The following ELAVL1 variants were observed in gnomAD, a reference collection of about 807,000 sequenced individuals.
ELAVL1 encodes ELAV like RNA binding protein 1.
Under a neutral mutation model 28.4 loss-of-function variants are expected in ELAVL1, and 1 was observed. The observed-to-expected ratio is 0.04, with a 90% CI of 0.01 to 0.17. The LOEUF (loss-of-function observed/expected upper bound fraction) is 0.17, where lower values mean the gene tolerates loss of function less well. Ranked by LOEUF, ELAVL1 falls within the 10% of genes least tolerant of loss-of-function variation. The pLI is 1.00. For missense variants in ELAVL1, 157 were observed against 447.2 expected (o/e 0.35, Z 5.85); for synonymous variants, 174 against 183.5 (o/e 0.95, Z 0.42).
intron 3 of ELAVL1, among the ~76,000 whole-genome samples, chr19:7,974,588 C>G (rs1462964866): frequency 6.6e-6 from 1 of 151,992 alleles, no homozygotes; most frequent in African/African-American, 2.4e-5. Context: ...CCCATGGGCC[C>G]AGAAGGAAGA....
Position 7,995,114 on chromosome 19 carries a change from G to A in ELAVL1, c.-16-3283C>T, listed in dbSNP as rs1049217226. On this transcript the variant is annotated intron_variant, in intron 1 of 5. Transcript: ENST00000407627. ...AGACTTTAATCATGAGAAACTCCAC[G>A]TGTCTGTTACACCATCTGTGGCCAC... Among the ~76,000 whole-genome samples, 16 of 152,238 alleles carry A rather than the reference G, an allele frequency of 1.1e-4. 1 individual carries two copies. Among genetic ancestry groups the A allele is most frequent in the Admixed American group, 8.5e-4 (13 of 15,280 alleles).
At position 7,960,915 on chromosome 19, in the gene ELAVL1, G is replaced by C. The variant is rs1467813427; in HGVS notation, c.*2568C>G. On this transcript the variant is annotated 3_prime_UTR_variant, in exon 6 of 6. Transcript: ENST00000407627. Reference sequence around the variant, plus strand: ...CAGGGCCAGCAACTAGAACCTTGATGGAACAGAGATTGCTTTTCAGGAGTG... The same window carrying C: ...CAGGGCCAGCAACTAGAACCTTGATCGAACAGAGATTGCTTTTCAGGAGTG... 2 of 152,184 alleles carry C rather than the reference G, an allele frequency of 1.3e-5. No homozygotes were observed. Among genetic ancestry groups the C allele is most frequent in the Non-Finnish European group, 2.9e-5 (2 of 68,034 alleles). The allele number at this position is 152,184 out of a possible 1,614,324, so 9.4% of individuals were successfully genotyped here.
chr19:7,984,464 T>C (rs1302213431), intron 2 of ELAVL1, among the ~76,000 whole-genome samples: 1 of 151,840 alleles, frequency 6.6e-6, no homozygotes, highest in Non-Finnish European at 1.5e-5. Context: ...TCCCAGAAAG[T>C]AGAGGTGGCC....
intron 1 of ELAVL1, among the ~76,000 whole-genome samples, chr19:8,005,044 A>T (rs974209076): frequency 2.0e-5 from 3 of 151,850 alleles, no homozygotes; most frequent in Non-Finnish European, 2.9e-5. Context: ...AGGACCTCGC[A>T]CCGGCCGCGG....
chr19:7,973,538 C>A, intron 4 of ELAVL1, 187 bp downstream of exon 4: 1 of 729,322 alleles, frequency 1.4e-6, no homozygotes, highest in Admixed American at 3.0e-5. Context: ...ATATCCCCAG[C>A]TTCTTTTAAT....
At chr19:8,005,433 C>A (rs1209346464) in intron 1 of ELAVL1, 62 bp downstream of exon 1, 1 of 146,614 alleles carries the variant, frequency 6.8e-6, no homozygotes, top group Non-Finnish European at 1.5e-5. Context: ...CCAGGCCAGG[C>A]GAGCTCAGGC....
chr19:7,973,629 A>G, intron 4 of ELAVL1, 96 bp downstream of exon 4: 1 of 1,454,426 alleles, frequency 6.9e-7, no homozygotes, highest in South Asian at 1.3e-5. Context: ...GGAATAACTA[A>G]TGACATTTAA....
At chr19:7,993,530 TCTTTC>T (rs1423766219) in intron 1 of ELAVL1, among the ~76,000 whole-genome samples, 1 of 152,250 alleles carries the variant, frequency 6.6e-6, no homozygotes, top group Non-Finnish European at 1.5e-5. Context: ...GTTGCTGAAG[TCTTTC>T]CTTTCAGTGA....
intron 1 of ELAVL1, among the ~76,000 whole-genome samples, chr19:7,994,239 G>A (rs764505270): frequency 6.6e-6 from 1 of 151,884 alleles, no homozygotes; most frequent in Non-Finnish European, 1.5e-5. Flanking sequence ...CCCCCAAGGG[G>A]ACACAGGGCA....
chr19:7,977,728 G>A (rs537994014), intron 3 of ELAVL1, among the ~76,000 whole-genome samples: 65 of 152,380 alleles, frequency 4.3e-4, no homozygotes, highest in East Asian at 1.5e-3. Context: ...AGGACAGAGC[G>A]GACGGGGTGA....
chr19:8,004,974 A>T (rs1457593940), intron 1 of ELAVL1, among the ~76,000 whole-genome samples: 1 of 152,088 alleles, frequency 6.6e-6, no homozygotes, highest in Non-Finnish European at 1.5e-5. Flanking sequence ...GATGCAGTTT[A>T]GATTTTTTTT....
At chr19:7,988,460 C>T (rs1224447349) in intron 2 of ELAVL1, among the ~76,000 whole-genome samples, 1 of 152,084 alleles carries the variant, frequency 6.6e-6, no homozygotes, top group Non-Finnish European at 1.5e-5. Flanking sequence ...TGGGGAAAGG[C>T]GCTAAAGACA....
At chr19:7,990,691 T>A (rs1336430694) in intron 2 of ELAVL1, among the ~76,000 whole-genome samples, 1 of 152,002 alleles carries the variant, frequency 6.6e-6, no homozygotes, top group African/African-American at 2.4e-5. Context: ...GTATAGGGAA[T>A]CACAGTCCCC....
chr19:7,997,776 CAA>C (rs368869624), intron 1 of ELAVL1, among the ~76,000 whole-genome samples: 2 of 125,740 alleles, frequency 1.6e-5, no homozygotes, highest in Non-Finnish European at 3.4e-5. Context: ...GCCATCATTA[CAA>C]AAAAAAAAAA....
Position 7,960,631 on chromosome 19 carries a change from G to A in ELAVL1, c.*2852C>T, listed in dbSNP as rs1406071980. 2.0e-5 allele frequency: 3 copies of A among 152,602 alleles called. No individual in the cohort carries two copies. The highest frequency in any genetic ancestry group is 2.9e-5 in the Non-Finnish European group (2 of 68,036). 9.5% of individuals were successfully genotyped at this position (152,602 alleles called of 1,614,324 possible). A position where few individuals can be genotyped will look rare whatever the true frequency, so the allele number is the denominator to read the frequency against. On this transcript the variant is annotated 3_prime_UTR_variant, in exon 6 of 6. Transcript: ENST00000407627. The stretch of plus-strand genomic sequence containing the variant: ...CTAACTACCAGAGGAAGTTACACAC[G>A]GGTCAAAAGGGAATTCAATCAAAGC...
At chr19:8,001,634 A>AAT (rs541094193) in intron 1 of ELAVL1, among the ~76,000 whole-genome samples, 1 of 139,078 alleles carries the variant, frequency 7.2e-6, no homozygotes, top group Non-Finnish European at 1.6e-5. Context: ...CTTAAAAAAA[A>AAT]TTTTTTTTTT....
chr19:7,987,221 G>A (rs1414786140), intron 2 of ELAVL1, among the ~76,000 whole-genome samples: 1 of 152,116 alleles, frequency 6.6e-6, no homozygotes, highest in Non-Finnish European at 1.5e-5. Context: ...AAAGCCTTGG[G>A]CAGCGGTGTG....
In ELAVL1 at chr19:7,958,630, A is replaced by T. The variant is rs1984723933; in HGVS notation, c.*4853T>A. 1 of 152,246 alleles carries T rather than the reference A, an allele frequency of 6.6e-6. No homozygotes were observed. The highest frequency in any genetic ancestry group is 2.4e-5 in the African/African-American group (1 of 41,452). The allele number at this position is 152,246 out of a possible 1,614,324, so 9.4% of individuals were successfully genotyped here. ...TATCACAGAATTCCAGTCATAGTTA[A>T]CATACAGCGTTTAACACGAACCTGA... is the stretch of plus-strand genomic sequence containing the variant. On this transcript the variant is annotated 3_prime_UTR_variant, in exon 6 of 6. Transcript: ENST00000407627.
intron 2 of ELAVL1, among the ~76,000 whole-genome samples, chr19:7,987,111 G>C (rs1423493879): frequency 1.4e-5 from 2 of 139,218 alleles, no homozygotes; most frequent in Non-Finnish European, 3.2e-5. Context: ...CTGACCGGGG[G>C]GTGCCGGGGG....
Sources: allele counts gnomAD v4.1 joint callset (sites outside exome capture counted in the v4.1 genomes callset), GRCh38; gene constraint gnomAD v4.1.1; transcripts MANE v1.5; gene names NCBI Gene and HGNC (gene_info 2026-07-23, HGNC 2026-07-21).